Variants in ASIC2 observed in about 807,000 individuals in gnomAD.
The protein encoded by ASIC2 is acid sensing ion channel subunit 2.
ASIC2 carries 25 observed loss-of-function variants against 57.3 expected under a neutral mutation model. The ratio of observed to expected loss-of-function variants is 0.44; its 90% CI spans 0.32 to 0.61. The LOEUF is 0.61. Ranked by LOEUF, ASIC2 falls within the 20% of genes least tolerant of loss-of-function variation. The pLI, the probability that ASIC2 is intolerant of heterozygous loss-of-function variation, is 0.06. For missense variants in ASIC2, 641 were observed against 738.1 expected, an observed-to-expected ratio of 0.87 and a Z score of 1.52; for synonymous variants, 319 against 307.5, an observed-to-expected ratio of 1.04 and a Z score of -0.39.
At chr17:33,207,940 ATTTCCCTG>A (rs1259091452) in intron 1 of ASIC2, among the ~76,000 whole-genome samples, 2 of 152,214 alleles carry the variant, frequency 1.3e-5, no homozygotes, top group East Asian at 3.9e-4. Context: ...TACCTGTCTT[ATTTCCCTG>A]TTTCCCTATC....
intron 1 of ASIC2, among the ~76,000 whole-genome samples, chr17:33,577,045 C>A (rs1916646921): frequency 6.6e-6 from 1 of 152,086 alleles, no homozygotes; most frequent in African/African-American, 2.4e-5. Flanking sequence ...TGACTTTGAG[C>A]CTCTTCATTC....
At chr17:33,848,764 C>T (rs1015288522) in intron 1 of ASIC2, among the ~76,000 whole-genome samples, 3 of 152,028 alleles carry the variant, frequency 2.0e-5, no homozygotes, top group South Asian at 2.1e-4. Flanking sequence ...CAGGGGCTGA[C>T]GGTGTTACTG....
chr17:33,369,783 A>G (rs1180551681), intron 1 of ASIC2, among the ~76,000 whole-genome samples: 1 of 152,142 alleles, frequency 6.6e-6, no homozygotes, highest in Admixed American at 6.5e-5. Context: ...CCATTAGAGC[A>G]TGATTACTAT....
At chr17:34,085,184 A>C (rs1250776111) in intron 1 of ASIC2, among the ~76,000 whole-genome samples, 1 of 152,158 alleles carries the variant, frequency 6.6e-6, no homozygotes, top group Non-Finnish European at 1.5e-5. Context: ...TGTGTCATAG[A>C]TAGCTCTTAT....
At chr17:33,526,394 G>T (rs1052392179) in intron 1 of ASIC2, among the ~76,000 whole-genome samples, 5 of 152,096 alleles carry the variant, frequency 3.3e-5, no homozygotes, top group African/African-American at 1.2e-4. Flanking sequence ...GCCACCCTAG[G>T]ACTCCTTCTC....
chr17:33,220,188 C>A (rs1007380748), intron 1 of ASIC2, among the ~76,000 whole-genome samples: 3 of 152,200 alleles, frequency 2.0e-5, no homozygotes, highest in South Asian at 4.1e-4. Flanking sequence ...GCCTCCCCAA[C>A]TGATCTTCCA....
intron 1 of ASIC2, among the ~76,000 whole-genome samples, chr17:34,150,114 T>C (rs981032664): frequency 6.6e-6 from 1 of 152,184 alleles, no homozygotes; most frequent in Non-Finnish European, 1.5e-5. Flanking sequence ...GAGGACACTA[T>C]GCAAAGTGAA....
rs370476855 is a variant in ASIC2 at position 33,615,428 on chromosome 17, GA to G, written c.556-503362del. On this transcript the variant is annotated intron_variant, in intron 1 of 9. Coordinates refer to the ASIC2 transcript ENST00000359872. ...TTTTAAGAAAGAAAATAACTTAAAG[GA>G]AAAAAATAACTGGAAAATTATGGAC... 7.4e-4 allele frequency among the ~76,000 whole-genome samples: 112 copies of G among 152,006 alleles called. No homozygotes were observed. The South Asian group carries it at 8.9e-3, about 12-fold the overall frequency.
intron 1 of ASIC2, among the ~76,000 whole-genome samples, chr17:33,766,155 A>G (rs567110498): frequency 6.6e-6 from 1 of 152,186 alleles, no homozygotes; most frequent in Non-Finnish European, 1.5e-5. Flanking sequence ...TTTGAGAGAG[A>G]GAGAGGCCAC....
At chr17:33,228,455 C>T (rs546273618) in intron 1 of ASIC2, among the ~76,000 whole-genome samples, 40 of 152,360 alleles carry the variant, frequency 2.6e-4, no homozygotes, top group African/African-American at 8.4e-4. Context: ...GAGGCAGGCC[C>T]ATCTGCACGA....
chr17:33,323,087 G>A (rs532572391), intron 1 of ASIC2, among the ~76,000 whole-genome samples: 1 of 152,182 alleles, frequency 6.6e-6, no homozygotes, highest in Non-Finnish European at 1.5e-5. Context: ...CTGCTGGTAG[G>A]AGTGCAAATT....
chr17:33,768,938 G>A (rs1051363910), intron 1 of ASIC2, among the ~76,000 whole-genome samples: 1 of 152,074 alleles, frequency 6.6e-6, no homozygotes, highest in African/African-American at 2.4e-5. Flanking sequence ...TCTGAGAGCT[G>A]TTTTCATCAC....
intron 1 of ASIC2, among the ~76,000 whole-genome samples, chr17:33,883,224 C>T (rs2348157): frequency 6.6e-6 from 1 of 151,850 alleles, no homozygotes; most frequent in African/African-American, 2.4e-5. Context: ...TGCACATGTA[C>T]CCTAAAACTT....
At chr17:34,099,738 G>GAA (rs1244079046) in intron 1 of ASIC2, among the ~76,000 whole-genome samples, 11 of 506 alleles carry the variant, frequency 0.022, no homozygotes, top group African/African-American at 0.038. Context: ...AAGAAGGAAA[G>GAA]AAAGAAAGAA....
intron 1 of ASIC2, among the ~76,000 whole-genome samples, chr17:33,365,529 G>C (rs57338747): frequency 0.011 from 1,691 of 152,200 alleles, 41 homozygotes; most frequent in African/African-American, 0.038. Context: ...TTAATTCCAA[G>C]TTTAAGTCGT....
chr17:33,807,014 C>T (rs938776310), intron 1 of ASIC2, among the ~76,000 whole-genome samples: 8 of 152,198 alleles, frequency 5.3e-5, no homozygotes, highest in Non-Finnish European at 1.2e-4. Context: ...GGCTGCCTTG[C>T]CCACACATCT....
At chr17:34,028,570 T>G (rs992355212) in intron 1 of ASIC2, among the ~76,000 whole-genome samples, 2 of 152,234 alleles carry the variant, frequency 1.3e-5, no homozygotes, top group African/African-American at 4.8e-5. Context: ...GCATGGATGC[T>G]ATCTCATTTA....
At chr17:33,351,187 G>C (rs1282984671) in intron 1 of ASIC2, among the ~76,000 whole-genome samples, 1 of 152,144 alleles carries the variant, frequency 6.6e-6, no homozygotes, top group Non-Finnish European at 1.5e-5. Flanking sequence ...CTACATCATA[G>C]AATGAATCTG....
rs56857060 is a variant in ASIC2 at position 33,409,784 on chromosome 17, C to G, written c.556-297717G>C. On this transcript the variant is annotated intron_variant, in intron 1 of 9. Coordinates refer to the ASIC2 transcript ENST00000359872. ...ATAGAGCCTCAGAAATGAATTTGAG[C>G]CTGGCTTTAGGAACAACTGATCCTC... Among the ~76,000 whole-genome samples the G allele has an allele frequency of 8.5e-5, 13 of 152,282 alleles. No individual in the cohort carries two copies. The East Asian group carries it at 2.5e-3, about 29-fold the overall frequency.
Sources: gnomAD v4.1 joint callset for allele counts (sites outside exome capture counted in the v4.1 genomes callset) on GRCh38, gnomAD v4.1.1 for gene constraint, MANE v1.5 for transcripts, NCBI Gene and HGNC (gene_info 2026-07-23, HGNC 2026-07-21) for gene names.